Variants in SOAT2 observed in about 807,000 individuals in gnomAD.
SOAT2 encodes the protein sterol O-acyltransferase 2.
A neutral mutation model predicts 76.0 loss-of-function variants in SOAT2; 87 were observed. The observed-to-expected ratio is 1.14, with a 90% CI of 0.96 to 1.37. SOAT2 has a LOEUF of 1.37. SOAT2 is among the 40% of genes most tolerant of loss of function. The pLI is 0.00. For synonymous variants in SOAT2, 285 were observed against 275.4 expected, an observed-to-expected ratio of 1.03 and a Z score of -0.34; for missense variants, 686 against 682.1, an observed-to-expected ratio of 1.01 and a Z score of -0.06.
chr12:53,104,084 AG>A, intron 1 of SOAT2, 66 bp from the exon 2 acceptor site: 1 of 1,332,154 alleles, frequency 7.5e-7, no homozygotes, highest in East Asian at 2.3e-5. Flanking sequence ...TCCTGACCAC[AG>A]GATGCCTCTG....
At chr12:53,115,291 C>A in intron 5 of SOAT2, 99 bp from the exon 6 acceptor site, 1 of 1,384,344 alleles carries the variant, frequency 7.2e-7, no homozygotes, top group Non-Finnish European at 9.7e-7. Flanking sequence ...ACAACCTGAT[C>A]AAGATACCTC....
intron 12 of SOAT2, among the ~76,000 whole-genome samples, chr12:53,122,455 T>A (rs57069204): frequency 0.13 from 15,997 of 126,132 alleles, 1,740 homozygotes; most frequent in African/African-American, 0.3. Context: ...AGGTCTCTGG[T>A]TTTCCTAGGC....
chr12:53,113,821 G>A (rs1181885073), intron 5 of SOAT2, among the ~76,000 whole-genome samples: 1 of 152,120 alleles, frequency 6.6e-6, no homozygotes, highest in African/African-American at 2.4e-5. Flanking sequence ...TTCTTCTGGA[G>A]CCTCAGTAAG....
At chr12:53,105,710 GTGGTTTGTGGA>G in intron 4 of SOAT2, 90 bp downstream of exon 4, 2 of 1,258,220 alleles carry the variant, frequency 1.6e-6, no homozygotes, top group Non-Finnish European at 2.2e-6. Flanking sequence ...CAGCCTCTAG[GTGGTTTGTGGA>G]GAGGACTTGG....
chr12:53,105,628 G>A lies in SOAT2; in HGVS notation c.335+8G>A, dbSNP rs772644632. 1.6e-5 allele frequency: 26 copies of A among 1,607,260 alleles called. No homozygotes were observed. The East Asian group carries it at 2.0e-4, about 12-fold the overall frequency. On this transcript the variant is annotated splice_region_variant and intron_variant, in intron 4 of 14. Coordinates refer to ENST00000301466, the MANE Select transcript of SOAT2 (RefSeq NM_003578.4). ...CCGCAAGTCCCTGCTTGAGTAAGTC[G>A]GGGTGATGACAAGTAATGGGAGGAA...
Position 53,115,535 on chromosome 12 carries a change from A to G in SOAT2, c.589A>G (p.Thr197Ala), listed in dbSNP as rs746780940. The G allele has an allele frequency of 8.7e-6, 14 of 1,602,062 alleles. No homozygotes were observed. In the Admixed American group the frequency reaches 1.8e-4, roughly 21 times the overall value. The change falls in exon 6 of 15, where the codon ACG (threonine) becomes GCG (alanine). Residue 197 changes from threonine (T) to alanine (A), a missense_variant. Coordinates refer to ENST00000301466, the MANE Select transcript of SOAT2 (RefSeq NM_003578.4). ...LWARGTWTQA[T>A]GLGCALLAAH... is the part of the protein sequence containing the mutation. ...GGCCAGGGGCACCTGGACGCAGGCGACGGGCCTGGGCTGTGCGCTGCTAGC... is the reference window on the plus strand; with the variant it reads ...GGCCAGGGGCACCTGGACGCAGGCGGCGGGCCTGGGCTGTGCGCTGCTAGC...
intron 5 of SOAT2, among the ~76,000 whole-genome samples, chr12:53,107,797 AT>A (rs1290661659): frequency 5.4e-4 from 79 of 144,958 alleles, no homozygotes; most frequent in African/African-American, 2.0e-3. Context: ...TCATTTTTGT[AT>A]TTTTAGTAGA....
Position 53,119,234 on chromosome 12 carries a change from C to A in SOAT2, c.1020C>A (p.Ile340=). 1 of 1,614,112 alleles carries A rather than the reference C, an allele frequency of 6.2e-7. No homozygotes were observed. Among genetic ancestry groups the A allele is most frequent in the East Asian group, 2.2e-5 (1 of 44,890 alleles). ...GCACCCGTGCCCTGGTGCTCTCTAT[C>A]CTGCATGCCACGTTGCCAGGTGAGC... ...PFSTRALVLS[I]LHATLPGIFM... Residue 340 remains isoleucine, a synonymous_variant, in exon 10 of 15, where the codon ATC becomes ATA. Coordinates refer to ENST00000301466, the MANE Select transcript of SOAT2 (RefSeq NM_003578.4).
intron 4 of SOAT2, 115 bp from the exon 5 acceptor site, chr12:53,105,792 T>G (rs3093945): frequency 0.032 from 30,035 of 945,510 alleles, 1,378 homozygotes; most frequent in South Asian, 0.16. Flanking sequence ...AAGAAAGGCC[T>G]TTAGCTGGAA....
intron 10 of SOAT2, 89 bp from the exon 11 acceptor site, chr12:53,120,697 G>T: frequency 2.4e-6 from 2 of 850,672 alleles, no homozygotes; most frequent in Admixed American, 1.8e-5. Flanking sequence ...CCTGGTTTCT[G>T]GGCAGGGGCT....
intron 12 of SOAT2, 71 bp from the exon 13 acceptor site, chr12:53,123,010 G>A: frequency 2.1e-6 from 3 of 1,455,780 alleles, no homozygotes; most frequent in East Asian, 2.6e-5. Context: ...CGGGCGGGGG[G>A]CTGGAGGTGG....
In SOAT2 at chr12:53,115,485, C is replaced by T. The variant is rs753328369; in HGVS notation, c.539C>T (p.Ala180Val). The T allele has an allele frequency of 6.8e-6, 11 of 1,611,194 alleles. No individual in the cohort carries two copies. Among genetic ancestry groups the T allele is most frequent in the Non-Finnish European group, 8.5e-6 (10 of 1,179,816 alleles). ...CCCATGTTTCTGTCCACCCTGTTGG[C>T]GCCGTACCAGGCCCTACGGCTGTGG... The part of the protein sequence containing the change: ...WVPMFLSTLL[A>V]PYQALRLWAR... Residue 180 changes from alanine (A) to valine (V), a missense_variant, in exon 6 of 15, where the codon GCG becomes GTG. Coordinates refer to ENST00000301466, the MANE Select transcript of SOAT2 (RefSeq NM_003578.4).
At position 53,103,621 on chromosome 12, in the gene SOAT2, G is replaced by T; in HGVS notation, c.44G>T (p.Gly15Val). The change falls in exon 1 of 15, where the codon GGG becomes GTG. Residue 15 changes from glycine (G) to valine (V), a missense_variant. Gly to Val is a moderately radical substitution (Grantham distance 109, BLOSUM62 -3). Transcript: ENST00000301466. ...CGTCTGCGTCTGCAGAGGACAGAAG[G>T]GCTGGGAGGGGAGCGGGAGCGCCAA... ...GARLRLQRTE[G>V]LGGERERQPC... 1 of 1,545,190 alleles carries T rather than the reference G, an allele frequency of 6.5e-7. No individual in the cohort carries two copies.
chr12:53,119,394 A>AT (rs1047936693), intron 10 of SOAT2, 141 bp downstream of exon 10: 1 of 900,126 alleles, frequency 1.1e-6, no homozygotes, highest in African/African-American at 1.7e-5. Context: ...TATCAGGGCC[A>AT]TTGCCATGGT....
At position 53,119,325 on chromosome 12, in the gene SOAT2, A is replaced by T. The variant is rs1938154384; in HGVS notation, c.1039+72A>T. 5 of 1,514,378 alleles carry T rather than the reference A, an allele frequency of 3.3e-6. No homozygotes were observed. The South Asian group carries it at 3.6e-5, about 11-fold the overall frequency. The allele number at this position is 1,514,378 out of a possible 1,614,324, so 93.8% of individuals were successfully genotyped here. ...CTAATCAGGGAAGGCCTTGCTAGTTACCTTCCCTCAGTTTCAACACGTTCT... is the reference window on the plus strand; with the variant it reads ...CTAATCAGGGAAGGCCTTGCTAGTTTCCTTCCCTCAGTTTCAACACGTTCT... On this transcript the variant is annotated intron_variant, in intron 10 of 14. Transcript: ENST00000301466.
chr12:53,123,307 T>G, intron 13 of SOAT2, 91 bp downstream of exon 13: 1 of 1,516,022 alleles, frequency 6.6e-7, no homozygotes, highest in Middle Eastern at 1.7e-4. Flanking sequence ...GTGGGAGGCC[T>G]CGCCCCCAGG....
chr12:53,108,319 C>T (rs918878914), intron 5 of SOAT2, among the ~76,000 whole-genome samples: 1 of 152,194 alleles, frequency 6.6e-6, no homozygotes, highest in Admixed American at 6.5e-5. Flanking sequence ...GCTTTATTGG[C>T]TTCATAAGTC....
chr12:53,112,478 G>A (rs575887963), intron 5 of SOAT2, among the ~76,000 whole-genome samples: 4 of 148,196 alleles, frequency 2.7e-5, no homozygotes, highest in Admixed American at 6.7e-5. Context: ...CCCGGGAGGC[G>A]GAGGTTGTGG....
chr12:53,116,269 C>T lies in SOAT2; in HGVS notation c.778+103C>T, dbSNP rs1044655374. 14 of 1,068,508 alleles carry T rather than the reference C, an allele frequency of 1.3e-5. No homozygotes were observed. The Admixed American group carries it at 2.7e-4, about 21-fold the overall frequency. The allele number at this position is 1,068,508 out of a possible 1,614,324, so 66.2% of individuals were successfully genotyped here. On this transcript the variant is annotated intron_variant, in intron 7 of 14. Coordinates refer to ENST00000301466, the MANE Select transcript of SOAT2 (RefSeq NM_003578.4). ...ATAAAAGTCCCTGCCTTCCTAAGCC[C>T]GGGTTGCCCACCAGGCACAGCCCTG...
Sources: gnomAD v4.1 joint callset for allele counts (sites outside exome capture counted in the v4.1 genomes callset) on GRCh38, gnomAD v4.1.1 for gene constraint, MANE v1.5 for transcripts, NCBI Gene and HGNC (gene_info 2026-07-23, HGNC 2026-07-21) for gene names.